GSDME: variants seen among roughly 807,000 people sequenced by gnomAD.
GSDME encodes gasdermin-E.
GSDME carries 44 observed loss-of-function variants against 47.5 expected under a neutral mutation model. The ratio of observed to expected loss-of-function variants is 0.93; its 90% CI spans 0.73 to 1.19. GSDME has a LOEUF of 1.19. GSDME is among the 50% of genes most tolerant of loss of function. The pLI is 0.00. For synonymous variants in GSDME, 258 were observed against 252.8 expected (o/e 1.02, Z -0.20); for missense variants, 663 against 604.2 (o/e 1.10, Z -1.02).
intron 3 of GSDME, among the ~76,000 whole-genome samples, chr7:24,722,748 T>A (rs1245175805): frequency 6.6e-6 from 1 of 152,300 alleles, no homozygotes; most frequent in East Asian, 1.9e-4. Context: ...CTCCACTGCT[T>A]AAAATGCCCA....
chr7:24,756,378 T>C lies in GSDME; in HGVS notation c.-20+1018A>G, dbSNP rs1791017302. On this transcript the variant is annotated intron_variant, in intron 1 of 9. Transcript: ENST00000645220. The surrounding 1 kb of genome is among the most constrained non-coding windows in gnomAD (Gnocchi z 4.2). ...CCTCTCTCAACAATAACAAAGAACC[T>C]AGCCAAGGGACCGTGGCTAGGGGGT... 6.6e-6 allele frequency among the ~76,000 whole-genome samples: 1 copy of C among 152,140 alleles called. No individual in the cohort carries two copies. Among genetic ancestry groups the C allele is most frequent in the Non-Finnish European group, 1.5e-5 (1 of 68,008 alleles).
the GSDME span, among the ~76,000 whole-genome samples, chr7:24,794,546 T>A: frequency 6.6e-6 from 1 of 152,176 alleles, no homozygotes; most frequent in Non-Finnish European, 1.5e-5. Flanking sequence ...CTGGGTGTCC[T>A]GATTTACCAG....
upstream of GSDME, among the ~76,000 whole-genome samples, chr7:24,758,620 G>A (rs1255199870): frequency 6.6e-6 from 1 of 152,218 alleles, no homozygotes; most frequent in African/African-American, 2.4e-5. The surrounding 1 kb of genome is among the most constrained non-coding windows in gnomAD (Gnocchi z 4.6). Flanking sequence ...GGCAGGTAGA[G>A]AAGCCCGGCA....
intron 5 of GSDME, among the ~76,000 whole-genome samples, chr7:24,711,305 T>C (rs2128050432): frequency 6.6e-6 from 1 of 152,244 alleles, no homozygotes; most frequent in Middle Eastern, 3.4e-3. Context: ...CTCAGCTCAC[T>C]ACAACCTCCG....
the GSDME span, among the ~76,000 whole-genome samples, chr7:24,784,319 A>C: frequency 5.3e-5 from 8 of 152,338 alleles, no homozygotes; most frequent in African/African-American, 1.9e-4. Flanking sequence ...GAACTGACTC[A>C]CGTGATCACA....
At chr7:24,759,353 C>A (rs1791129435), upstream of GSDME, among the ~76,000 whole-genome samples, 1 of 152,024 alleles carries the variant, frequency 6.6e-6, no homozygotes, top group African/African-American at 2.4e-5. Flanking sequence ...AGTGGGTGAA[C>A]TTTTTGATGC....
At position 24,726,631 on chromosome 7, in the gene GSDME, G is replaced by A. The variant is rs377592763; in HGVS notation, c.405-7413C>T. ...GAGGTCAGGAGATCGAGACCATCCTGGTTAATATGGTGAAACCCCGTCTCT... is the reference window on the plus strand; with the variant it reads ...GAGGTCAGGAGATCGAGACCATCCTAGTTAATATGGTGAAACCCCGTCTCT... On this transcript the variant is annotated intron_variant, in intron 3 of 9. Coordinates refer to ENST00000645220, the MANE Select transcript of GSDME (RefSeq NM_001127453.2). This position sits in a 1 kb window ranked among gnomAD's most constrained non-coding sequence, Gnocchi z 5.6. Among the ~76,000 whole-genome samples the A allele has an allele frequency of 1.1e-4, 16 of 152,222 alleles. 1 individual carries two copies. The highest frequency in any genetic ancestry group is 3.6e-4 in the African/African-American group (15 of 41,542).
In GSDME at chr7:24,716,149, C is replaced by T. The variant is rs894548381; in HGVS notation, c.697+1105G>A. ...AGCAGGAGGCAGCAGCAGGCATGTG[C>T]GTGGTCTATCACGGCCCTTTTAAAA... On this transcript the variant is annotated intron_variant, in intron 5 of 9. Transcript: ENST00000645220. This position sits in a 1 kb window ranked among gnomAD's most constrained non-coding sequence, Gnocchi z 4.5. 4.6e-5 allele frequency among the ~76,000 whole-genome samples: 7 copies of T among 152,156 alleles called. No homozygotes were observed. The highest frequency in any genetic ancestry group is 8.8e-5 in the Non-Finnish European group (6 of 68,026).
At chr7:24,722,410 T>C (rs1789823648) in intron 3 of GSDME, among the ~76,000 whole-genome samples, 1 of 152,194 alleles carries the variant, frequency 6.6e-6, no homozygotes, top group Non-Finnish European at 1.5e-5. Context: ...ATAAAAGCCA[T>C]TGTAACCACC....
chr7:24,794,289 CTCTT>C, the GSDME span, among the ~76,000 whole-genome samples: 2 of 122,202 alleles, frequency 1.6e-5, no homozygotes, highest in Non-Finnish European at 3.2e-5. Flanking sequence ...TCCTCTCTCT[CTCTT>C]TCTCTCCTCT....
At chr7:24,762,949 G>A in the GSDME span, among the ~76,000 whole-genome samples, 14 of 152,074 alleles carry the variant, frequency 9.2e-5, no homozygotes, top group South Asian at 4.2e-4. Context: ...TGGACACCTC[G>A]GGCAGATAGA....
In GSDME at chr7:24,754,016, G is replaced by A. The variant is rs1445547484; in HGVS notation, c.-20+3380C>T. Reference sequence around the variant, plus strand: ...AACTCAAGTTGCCCGACACAGACAAGCACAGTCATGTCTCAGCCAAAAGTC... The same window carrying A: ...AACTCAAGTTGCCCGACACAGACAAACACAGTCATGTCTCAGCCAAAAGTC... On this transcript the variant is annotated intron_variant, in intron 1 of 9. Transcript: ENST00000645220. This position sits in a 1 kb window ranked among gnomAD's most constrained non-coding sequence, Gnocchi z 5.0. 6.6e-6 allele frequency among the ~76,000 whole-genome samples: 1 copy of A among 152,172 alleles called. No individual in the cohort carries two copies. The highest frequency in any genetic ancestry group is 2.4e-5 in the African/African-American group (1 of 41,452).
chr7:24,753,706 T>C (rs1033064686), intron 1 of GSDME, among the ~76,000 whole-genome samples: 2 of 152,252 alleles, frequency 1.3e-5, no homozygotes, highest in African/African-American at 2.4e-5. Flanking sequence ...AGTTTTAGGT[T>C]GTGTTATTTT....
chr7:24,761,924 C>T (rs545495467), upstream of GSDME, among the ~76,000 whole-genome samples: 3 of 152,310 alleles, frequency 2.0e-5, no homozygotes, highest in Admixed American at 2.0e-4. This position sits in a 1 kb window ranked among gnomAD's most constrained non-coding sequence, Gnocchi z 4.4. Context: ...AATTTCCAGA[C>T]ATCTTCTATC....
chr7:24,768,815 T>G, the GSDME span, among the ~76,000 whole-genome samples: 1 of 152,266 alleles, frequency 6.6e-6, no homozygotes, highest in Non-Finnish European at 1.5e-5. The surrounding 1 kb of genome is among the most constrained non-coding windows in gnomAD (Gnocchi z 5.6). Context: ...AGCATTTATA[T>G]TACATTGTAT....
Position 24,744,555 on chromosome 7 carries a change from T to C in GSDME, c.404+7A>G, listed in dbSNP as rs1790585445. ...CAAAATCCAAAATGCCAAACAAGTC[T>C]CCTTACCTCTCGGCAGAGTCTCTGA... is the stretch of plus-strand genomic sequence containing the variant. On this transcript the variant is annotated splice_region_variant and intron_variant, in intron 3 of 9. Coordinates refer to ENST00000645220, the MANE Select transcript of GSDME (RefSeq NM_001127453.2). The surrounding 1 kb of genome is among the most constrained non-coding windows in gnomAD (Gnocchi z 4.5). The C allele has an allele frequency of 1.9e-6, 3 of 1,614,130 alleles. No individual in the cohort carries two copies. The highest frequency in any genetic ancestry group is 2.5e-6 in the Non-Finnish European group (3 of 1,180,032).
At position 24,726,688 on chromosome 7, in the gene GSDME, T is replaced by C. The variant is rs114743235; in HGVS notation, c.405-7470A>G. Among the ~76,000 whole-genome samples, 1,077 of 151,928 alleles carry C rather than the reference T, an allele frequency of 7.1e-3. 19 individuals are homozygous for C. Among genetic ancestry groups the C allele is most frequent in the African/African-American group, 0.024 (1,007 of 41,416 alleles). On this transcript the variant is annotated intron_variant, in intron 3 of 9. Transcript: ENST00000645220. This position sits in a 1 kb window ranked among gnomAD's most constrained non-coding sequence, Gnocchi z 5.6. The stretch of plus-strand genomic sequence containing the variant: ...AATACAAAAAATCAGCCCGGCATAG[T>C]CCTGGCTACTCGGGAGGCTGAGGCA...
At chr7:24,785,959 A>T in the GSDME span, among the ~76,000 whole-genome samples, 3 of 152,332 alleles carry the variant, frequency 2.0e-5, no homozygotes, top group East Asian at 5.8e-4. Flanking sequence ...CACTTTTAGG[A>T]TTAAAAAGAA....
chr7:24,706,727 C>A (rs767386375), intron 7 of GSDME, among the ~76,000 whole-genome samples: 2 of 152,200 alleles, frequency 1.3e-5, no homozygotes, highest in African/African-American at 4.8e-5. Context: ...GGTTCTCATG[C>A]GTTAAGCTAG....
Sources: gnomAD v4.1 joint callset for allele counts (sites outside exome capture counted in the v4.1 genomes callset) on GRCh38, gnomAD v4.1.1 for gene constraint, Gnocchi (gnomAD v3.1) non-coding constraint, MANE v1.5 for transcripts, NCBI Gene and HGNC (gene_info 2026-07-23, HGNC 2026-07-21) for gene names.